Variants in MARK3 observed in about 807,000 individuals in gnomAD.
The protein encoded by MARK3 is MAP/microtubule affinity-regulating kinase 3.
Under a neutral mutation model 90.1 loss-of-function variants are expected in MARK3, and 46 were observed. That is an observed-to-expected ratio of 0.51 (90% confidence interval 0.40 to 0.65). The LOEUF is 0.65. Ranked by LOEUF, MARK3 falls within the 30% of genes least tolerant of loss-of-function variation. The probability of loss-of-function intolerance (pLI) is 0.00; values close to 1 mark genes in which losing one functional copy is unlikely to be tolerated. For missense variants in MARK3, 818 were observed against 947.2 expected, an observed-to-expected ratio of 0.86 and a Z score of 1.79; for synonymous variants, 321 against 332.6, an observed-to-expected ratio of 0.97 and a Z score of 0.38.
chr14:103,423,575 C>T lies in MARK3; in HGVS notation c.244-4812C>T, dbSNP rs566367894. ...CTCTCCAGTCTACACCTTTCTGAGGCACTGCAATCGGGGATACCCCAGTTA... is the reference window on the plus strand; with the variant it reads ...CTCTCCAGTCTACACCTTTCTGAGGTACTGCAATCGGGGATACCCCAGTTA... On this transcript the variant is annotated intron_variant, in intron 2 of 17. Transcript: ENST00000429436. 5.9e-5 allele frequency among the ~76,000 whole-genome samples: 9 copies of T among 152,296 alleles called. No homozygotes were observed. In the South Asian group the frequency reaches 1.9e-3, roughly 32 times the overall value.
At position 103,503,586 on chromosome 14, in the gene MARK3, G is replaced by C. The variant is rs542880317; in HGVS notation, c.*359G>C. On this transcript the variant is annotated 3_prime_UTR_variant, in exon 18 of 18. Transcript: ENST00000429436. Reference sequence around the variant, plus strand: ...AGCCAGTCATTACTAGTACCTCTGCGGGAGATCATCCGGTGCTAAAACATT... The same window carrying C: ...AGCCAGTCATTACTAGTACCTCTGCCGGAGATCATCCGGTGCTAAAACATT... 2.8e-5 allele frequency: 6 copies of C among 213,426 alleles called. No homozygotes were observed. The highest frequency in any genetic ancestry group is 5.6e-5 in the Non-Finnish European group (6 of 106,404). 13.2% of individuals were successfully genotyped at this position (213,426 alleles called of 1,614,324 possible).
intron 2 of MARK3, among the ~76,000 whole-genome samples, chr14:103,426,346 T>C (rs1037918034): frequency 6.6e-6 from 1 of 151,508 alleles, no homozygotes; most frequent in Admixed American, 6.6e-5. Flanking sequence ...CAACCCACAT[T>C]TGGGGGAATG....
At chr14:103,448,554 G>T (rs1275467268) in intron 3 of MARK3, among the ~76,000 whole-genome samples, 2 of 152,182 alleles carry the variant, frequency 1.3e-5, no homozygotes, top group African/African-American at 4.8e-5. Context: ...TTGATTCGCA[G>T]AGTTGGGAGC....
intron 15 of MARK3, among the ~76,000 whole-genome samples, chr14:103,496,119 A>G (rs573897402): frequency 6.6e-6 from 1 of 152,356 alleles, no homozygotes; most frequent in East Asian, 1.9e-4. Flanking sequence ...ACAGCCAGGC[A>G]CACGCAAGTG....
At chr14:103,388,725 C>T (rs2089998212) in intron 1 of MARK3, among the ~76,000 whole-genome samples, 1 of 152,140 alleles carries the variant, frequency 6.6e-6, no homozygotes, top group South Asian at 2.1e-4. Context: ...CTTTCTGTCC[C>T]TGTAGTTTTG....
chr14:103,453,191 A>G (rs1391835643), intron 5 of MARK3, among the ~76,000 whole-genome samples: 2 of 152,160 alleles, frequency 1.3e-5, no homozygotes, highest in Non-Finnish European at 2.9e-5. Context: ...TTTGTATTTT[A>G]TGGTTGAGAT....
At chr14:103,436,226 T>G (rs2092713807) in intron 3 of MARK3, among the ~76,000 whole-genome samples, 1 of 152,070 alleles carries the variant, frequency 6.6e-6, no homozygotes, top group Admixed American at 6.6e-5. Flanking sequence ...TCCCCAAATA[T>G]TCTAAGTTTC....
intron 12 of MARK3, among the ~76,000 whole-genome samples, chr14:103,472,867 A>G (rs1410736640): frequency 6.6e-6 from 1 of 150,564 alleles, no homozygotes; most frequent in Non-Finnish European, 1.5e-5. Flanking sequence ...TTAGCCGGGC[A>G]TGGTGGCAGG....
intron 7 of MARK3, 25 bp from the exon 8 acceptor site, chr14:103,465,532 T>G (rs759015868): frequency 3.9e-6 from 6 of 1,529,320 alleles, no homozygotes; most frequent in Non-Finnish European, 5.4e-6. Context: ...TAAATTTCAT[T>G]TTTGTCTTGA....
At chr14:103,453,752 G>A (rs1044591743) in intron 5 of MARK3, among the ~76,000 whole-genome samples, 9 of 152,198 alleles carry the variant, frequency 5.9e-5, no homozygotes, top group Non-Finnish European at 8.8e-5. Context: ...ACGTTGTACA[G>A]CCTCTACAGT....
In MARK3 at chr14:103,467,117, C is replaced by A; in HGVS notation, c.1036C>A (p.Gln346Lys). ...AATGGGATATTCACAAGAAGAAATT[C>A]AAGAATCTCTTAGTAAGATGAAATA... ...VGMGYSQEEI[Q>K]ESLSKMKYDE... Residue 346 changes from glutamine to lysine, a missense_variant, in exon 11 of 18, where the codon CAA (glutamine) becomes AAA (lysine). By Grantham distance (53) the Gln-to-Lys change is moderately conservative. Transcript: ENST00000429436. The A allele has an allele frequency of 6.3e-7, 1 of 1,594,410 alleles. No homozygotes were observed. The highest frequency in any genetic ancestry group is 8.6e-7 in the Non-Finnish European group (1 of 1,165,628).
chr14:103,407,464 G>A (rs750742568), intron 2 of MARK3, among the ~76,000 whole-genome samples: 1 of 148,518 alleles, frequency 6.7e-6, no homozygotes, highest in South Asian at 2.1e-4. Context: ...GCTCAGCCCC[G>A]TTCCTATTAA....
intron 13 of MARK3, among the ~76,000 whole-genome samples, chr14:103,478,468 C>T (rs988568843): frequency 6.7e-6 from 1 of 150,072 alleles, no homozygotes; most frequent in African/African-American, 2.4e-5. Context: ...TCACATGTAT[C>T]CTTTTGTGTC....
chr14:103,475,314 C>G, intron 13 of MARK3, 104 bp downstream of exon 13: 1 of 899,514 alleles, frequency 1.1e-6, no homozygotes, highest in South Asian at 1.6e-5. Context: ...CTGGAATGCC[C>G]TCTCTACTAG....
intron 11 of MARK3, chr14:103,467,493 T>G (rs925960224): frequency 5.3e-6 from 1 of 187,002 alleles, no homozygotes; most frequent in African/African-American, 2.4e-5. Context: ...AGGGAAACTC[T>G]GTCTCTGCTA....
intron 2 of MARK3, among the ~76,000 whole-genome samples, chr14:103,425,055 C>A (rs919373251): frequency 2.6e-5 from 4 of 151,996 alleles, no homozygotes; most frequent in Non-Finnish European, 4.4e-5. Flanking sequence ...ATTCTCCTGC[C>A]TTAGCCTCCC....
intron 1 of MARK3, among the ~76,000 whole-genome samples, chr14:103,386,895 A>C (rs1357838649): frequency 6.6e-6 from 1 of 152,234 alleles, no homozygotes; most frequent in African/African-American, 2.4e-5. Flanking sequence ...ACAAAATGCC[A>C]GGAACAGCAT....
chr14:103,422,865 A>G lies in MARK3; in HGVS notation c.244-5522A>G, dbSNP rs150591243. On this transcript the variant is annotated intron_variant, in intron 2 of 17. Transcript: ENST00000429436. ...CTCCATTTGCTATGGATTGAATCGTATGCCTCAAAATTCATATGTGTAAGC... is the reference window on the plus strand; with the variant it reads ...CTCCATTTGCTATGGATTGAATCGTGTGCCTCAAAATTCATATGTGTAAGC... Among the ~76,000 whole-genome samples the G allele has an allele frequency of 4.9e-4, 75 of 152,316 alleles. 2 individuals are homozygous for G. The East Asian group carries it at 0.013, about 27-fold the overall frequency.
At chr14:103,413,586 CTTATTTTATT>C (rs1293247645) in intron 2 of MARK3, among the ~76,000 whole-genome samples, 2 of 150,068 alleles carry the variant, frequency 1.3e-5, no homozygotes, top group Admixed American at 6.7e-5. Context: ...CCGCACCTGG[CTTATTTTATT>C]TTATTTTATT....
Sources: allele counts gnomAD v4.1 joint callset (sites outside exome capture counted in the v4.1 genomes callset), GRCh38; gene constraint gnomAD v4.1.1; transcripts MANE v1.5; gene names NCBI Gene and HGNC (gene_info 2026-07-23, HGNC 2026-07-21).